Variants in SPTBN4 observed in about 807,000 individuals in gnomAD.
SPTBN4 encodes spectrin beta, non-erythrocytic 4.
SPTBN4 carries 96 observed loss-of-function variants against 277.8 expected under a neutral mutation model. The ratio of observed to expected loss-of-function variants is 0.35; its 90% CI spans 0.29 to 0.41. SPTBN4 has a LOEUF of 0.41. Ranked by LOEUF, SPTBN4 falls within the 10% of genes least tolerant of loss-of-function variation. The probability of loss-of-function intolerance (pLI) is 1.00; values close to 1 mark genes in which losing one functional copy is unlikely to be tolerated. For synonymous variants in SPTBN4, 1,481 were observed against 1,580.3 expected, an observed-to-expected ratio of 0.94 and a Z score of 1.49; for missense variants, 3,006 against 3,595.7, an observed-to-expected ratio of 0.84 and a Z score of 4.19.
intron 7 of SPTBN4, among the ~76,000 whole-genome samples, chr19:40,500,093 C>A (rs2080247952): frequency 1.2e-5 from 1 of 80,714 alleles, no homozygotes; most frequent in Non-Finnish European, 2.5e-5. Flanking sequence ...CCTGTAGTCC[C>A]AGCTACACAG....
At chr19:40,497,692 G>C in intron 7 of SPTBN4, 88 bp downstream of exon 7, 2 of 1,073,424 alleles carry the variant, frequency 1.9e-6, no homozygotes, top group South Asian at 2.6e-5. Context: ...TCCCACCCCA[G>C]CACCATCCCA....
chr19:40,557,039 T>G lies in SPTBN4; in HGVS notation c.5306T>G (p.Phe1769Cys). ...TGATGGCAGGTGCTGCAGGAGAAAT[T>G]CTCAGAGTTTGCCAGCGAGACAGGT... ...FEHVSVLQEK[F>C]SEFASETGMA... The change falls in exon 26 of 36, where the codon TTC (phenylalanine) becomes TGC (cysteine). Residue 1769 changes from phenylalanine (F) to cysteine (C), a missense_variant. Coordinates refer to ENST00000598249, the MANE Select transcript of SPTBN4 (RefSeq NM_020971.3). 7.0e-7 allele frequency: 1 copy of G among 1,437,368 alleles called. No homozygotes were observed. Among genetic ancestry groups the G allele is most frequent in the Non-Finnish European group, 9.3e-7 (1 of 1,070,508 alleles). 89.0% of individuals were successfully genotyped at this position (1,437,368 alleles called of 1,614,324 possible).
Position 40,519,651 on chromosome 19 carries a change from T to C in SPTBN4, c.3154T>C (p.Phe1052Leu). 7.1e-7 allele frequency: 1 copy of C among 1,400,062 alleles called. No homozygotes were observed. Among genetic ancestry groups the C allele is most frequent in the South Asian group, 1.6e-5 (1 of 63,596 alleles). 86.7% of individuals were successfully genotyped at this position (1,400,062 alleles called of 1,614,324 possible). The stretch of plus-strand genomic sequence containing the variant: ...GGAGGCAGCCCTGCTGGCTGAGCGC[T>C]TCCCGGCGCAGGCGGCGCGGCTGCA... ...LEEAALLAER[F>L]PAQAARLHQG... Residue 1052 changes from phenylalanine (F) to leucine (L), a missense_variant, in exon 16 of 36, where the codon TTC becomes CTC. Phe to Leu is a conservative substitution (Grantham distance 22, BLOSUM62 0). Around this residue, in one of 5 missense-constraint regions of SPTBN4, gnomAD observed 1,759 missense variants for 2,061.5 expected, o/e 0.85. Coordinates refer to ENST00000598249, the MANE Select transcript of SPTBN4 (RefSeq NM_020971.3). This position sits in a 1 kb window ranked among gnomAD's most constrained non-coding sequence, Gnocchi z 5.7.
In SPTBN4 at chr19:40,502,168, G is replaced by A. The variant is rs1197766206; in HGVS notation, c.938G>A (p.Arg313His). Residue 313 changes from arginine (R) to histidine (H), a missense_variant, in exon 9 of 36, where the codon CGC becomes CAC. By Grantham distance (29) the Arg-to-His change is conservative (BLOSUM62 0). Around this residue, in one of 5 missense-constraint regions of SPTBN4, gnomAD observed 1,759 missense variants for 2,061.5 expected, o/e 0.85. Coordinates refer to ENST00000598249, the MANE Select transcript of SPTBN4 (RefSeq NM_020971.3). The surrounding 1 kb of genome is among the most constrained non-coding windows in gnomAD (Gnocchi z 4.9). ...QVLEVGKIIE[R>H]YEELAAELLA... is the part of the protein sequence containing the mutation. The stretch of plus-strand genomic sequence containing the variant: ...TTGGAGGTGGGGAAGATCATAGAAC[G>A]CTACGAGGAGCTGGCGGCTGAGCTG... 4 of 1,614,104 alleles carry A rather than the reference G, an allele frequency of 2.5e-6. No individual in the cohort carries two copies. The highest frequency in any genetic ancestry group is 1.7e-5 in the Admixed American group (1 of 60,008).
At chr19:40,479,675 C>CATATATATATATATAT (rs34118043) in intron 2 of SPTBN4, among the ~76,000 whole-genome samples, 2,432 of 126,206 alleles carry the variant, frequency 0.019, 53 homozygotes, top group African/African-American at 0.04. Flanking sequence ...AATGAGTAAG[C>CATATATATATATATAT]ATATATATAT....
At position 40,560,622 on chromosome 19, in the gene SPTBN4, C is replaced by T; in HGVS notation, c.5915+219C>T. The T allele has an allele frequency of 7.0e-7, 1 of 1,436,996 alleles. No homozygotes were observed. Among genetic ancestry groups the T allele is most frequent in the Non-Finnish European group, 9.1e-7 (1 of 1,099,136 alleles). The allele number at this position is 1,436,996 out of a possible 1,614,324, so 89.0% of individuals were successfully genotyped here. On this transcript the variant is annotated intron_variant, in intron 27 of 35. Coordinates refer to ENST00000598249, the MANE Select transcript of SPTBN4 (RefSeq NM_020971.3). The surrounding 1 kb of genome is among the most constrained non-coding windows in gnomAD (Gnocchi z 5.2). ...CGGTCATGGGGCATCCTTCTGTCCG[C>T]TGTCCTTCCCAGTTGCCTATTATTA...
rs747337124 is a variant in SPTBN4, at chr19:40,513,322, G to C, written c.2533G>C (p.Ala845Pro). 5.7e-6 allele frequency: 9 copies of C among 1,574,436 alleles called. No individual in the cohort carries two copies. The South Asian group carries it at 5.8e-5, about 10-fold the overall frequency. Residue 845 changes from alanine (A) to proline (P), a missense_variant, in exon 14 of 36, where the codon GCA (alanine) becomes CCA (proline). Transcript: ENST00000598249. ...GGCGACACTCGGGGGTGCCAGTGGC[G>C]CAGGGCCACTGGTGGTGGCGCTGCA... is the stretch of plus-strand genomic sequence containing the variant. Reference protein sequence around the residue: ...QLATLGGASGAGPLVVALQVR... With the variant: ...QLATLGGASGPGPLVVALQVR...
chr19:40,571,382 A>G (rs536404797), intron 33 of SPTBN4, among the ~76,000 whole-genome samples: 16 of 152,310 alleles, frequency 1.1e-4, no homozygotes, highest in African/African-American at 3.9e-4. Context: ...TGGGGAGTCC[A>G]GCTCCTGCTT....
rs1568781738 is a variant in SPTBN4 at position 40,502,355 on chromosome 19, ATGAC to A, written c.1086-34_1086-31del. On this transcript the variant is annotated intron_variant, in intron 9 of 35. Transcript: ENST00000598249. This position sits in a 1 kb window ranked among gnomAD's most constrained non-coding sequence, Gnocchi z 4.9. Reference sequence around the variant, plus strand: ...TGGAGGGAGGGTGGGCAGGGGTGGCATGACGGCAGGGCTCCTGAGCTCATGCCCC... The same window carrying A: ...TGGAGGGAGGGTGGGCAGGGGTGGCAGGCAGGGCTCCTGAGCTCATGCCCC... The A allele has an allele frequency of 6.2e-7, 1 of 1,609,438 alleles. No individual in the cohort carries two copies. Among genetic ancestry groups the A allele is most frequent in the Non-Finnish European group, 8.5e-7 (1 of 1,177,244 alleles).
chr19:40,531,812 C>T (rs2080678258), intron 18 of SPTBN4, among the ~76,000 whole-genome samples: 1 of 151,888 alleles, frequency 6.6e-6, no homozygotes, highest in East Asian at 1.9e-4. Context: ...CGATCTGATC[C>T]ACGATGGAGA....
chr19:40,552,369 C>G (rs1392212741), intron 22 of SPTBN4, among the ~76,000 whole-genome samples: 3 of 147,906 alleles, frequency 2.0e-5, no homozygotes, highest in Non-Finnish European at 4.5e-5. Flanking sequence ...GCAGGAGAAT[C>G]GCTTGAACCT....
chr19:40,469,704 T>C (rs2079863728), intron 1 of SPTBN4, among the ~76,000 whole-genome samples: 1 of 149,766 alleles, frequency 6.7e-6, no homozygotes, highest in South Asian at 2.1e-4. Flanking sequence ...AGTGCAGTGG[T>C]GCGATCTCGG....
intron 35 of SPTBN4, 83 bp from the exon 36 acceptor site, chr19:40,575,328 G>A (rs2081191315): frequency 1.4e-6 from 2 of 1,439,534 alleles, no homozygotes; most frequent in African/African-American, 1.4e-5. Flanking sequence ...GAATTTCAGA[G>A]AGGGTAGTCT....
intron 2 of SPTBN4, among the ~76,000 whole-genome samples, chr19:40,478,577 G>T (rs565236780): frequency 4.5e-4 from 68 of 151,952 alleles, no homozygotes; most frequent in African/African-American, 1.3e-3. Flanking sequence ...ACAGAGTCTC[G>T]CTCTGTCACC....
chr19:40,504,859 A>G (rs2080307199), intron 12 of SPTBN4, among the ~76,000 whole-genome samples: 1 of 151,944 alleles, frequency 6.6e-6, no homozygotes, highest in Non-Finnish European at 1.5e-5. Flanking sequence ...TTCAAAAAAA[A>G]AGAGAGAAAT....
intron 2 of SPTBN4, among the ~76,000 whole-genome samples, chr19:40,474,642 G>A (rs924978532): frequency 6.6e-6 from 1 of 151,908 alleles, no homozygotes; most frequent in Non-Finnish European, 1.5e-5. Context: ...GCGGATGCCT[G>A]TAATCCCAGC....
chr19:40,498,417 A>ATTTATTTT (rs1555812398), intron 7 of SPTBN4, among the ~76,000 whole-genome samples: 8 of 145,958 alleles, frequency 5.5e-5, no homozygotes, highest in South Asian at 2.1e-4. Flanking sequence ...TTATTTATTT[A>ATTTATTTT]TTTTTTTAGA....
At chr19:40,498,959 C>G (rs898316800) in intron 7 of SPTBN4, among the ~76,000 whole-genome samples, 3 of 152,000 alleles carry the variant, frequency 2.0e-5, no homozygotes, top group African/African-American at 7.2e-5. Flanking sequence ...ACTTTAGCCT[C>G]CTAAAGTGCT....
intron 25 of SPTBN4, 38 bp from the exon 26 acceptor site, chr19:40,556,985 C>A (rs767051456): frequency 1.5e-4 from 235 of 1,519,830 alleles, no homozygotes; most frequent in Non-Finnish European, 2.8e-5. Flanking sequence ...CCCCTTTGCT[C>A]ACTTTGCTGT....
Sources: gnomAD v4.1 joint callset for allele counts (sites outside exome capture counted in the v4.1 genomes callset) on GRCh38, gnomAD v4.1.1 for gene constraint, gnomAD v4.1.1 regional missense constraint, Gnocchi (gnomAD v3.1) non-coding constraint, MANE v1.5 for transcripts, NCBI Gene and HGNC (gene_info 2026-07-23, HGNC 2026-07-21) for gene names.